The following PRKCB variants were observed in gnomAD, a reference collection of about 807,000 sequenced individuals.
PRKCB encodes the protein protein kinase C beta.
PRKCB carries 13 observed loss-of-function variants against 81.5 expected under a neutral mutation model. The ratio of observed to expected loss-of-function variants is 0.16; its 90% CI spans 0.10 to 0.25. The LOEUF is 0.25. Among genes scored for constraint, PRKCB ranks in the 10% least tolerant of loss-of-function variants. The pLI is 1.00. For synonymous variants in PRKCB, 335 were observed against 321.4 expected, an observed-to-expected ratio of 1.04 and a Z score of -0.45; for missense variants, 509 against 875.7, an observed-to-expected ratio of 0.58 and a Z score of 5.29.
intron 10 of PRKCB, among the ~76,000 whole-genome samples, chr16:24,163,304 A>G (rs923103670): frequency 1.3e-5 from 2 of 152,204 alleles, no homozygotes; most frequent in African/African-American, 4.8e-5. Context: ...TGGTACAAAC[A>G]TGGCATCATT....
Position 23,999,529 on chromosome 16 carries a change from C to T in PRKCB, c.288+10939C>T, listed in dbSNP as rs149345870. On this transcript the variant is annotated intron_variant, in intron 3 of 16. Coordinates refer to ENST00000643927, the MANE Select transcript of PRKCB (RefSeq NM_002738.7). ...ATAGACAACATTTATGGGCACTCGC[C>T]ATTGGAGGGCCACAAAGTGTGGCAG... 1.1e-4 allele frequency among the ~76,000 whole-genome samples: 17 copies of T among 152,298 alleles called. No individual in the cohort carries two copies. The East Asian group carries it at 1.2e-3, about 10-fold the overall frequency.
intron 1 of PRKCB, among the ~76,000 whole-genome samples, chr16:23,836,730 C>T (rs1038300418): frequency 4.6e-5 from 7 of 150,590 alleles, no homozygotes; most frequent in Admixed American, 1.3e-4. Flanking sequence ...CCGCCTGCTT[C>T]CGGGCGCGAG....
intron 2 of PRKCB, among the ~76,000 whole-genome samples, chr16:23,892,171 T>C (rs1288555024): frequency 6.6e-6 from 1 of 152,216 alleles, no homozygotes; most frequent in Non-Finnish European, 1.5e-5. Context: ...AGAGAAATCT[T>C]TGGTGAAGGC....
At chr16:24,012,420 A>G (rs991216110) in intron 3 of PRKCB, among the ~76,000 whole-genome samples, 4 of 152,196 alleles carry the variant, frequency 2.6e-5, no homozygotes, top group Admixed American at 6.5e-5. Flanking sequence ...CTTAGCCACC[A>G]TGTCCCATCC....
At chr16:24,072,328 T>C (rs28419645) in intron 5 of PRKCB, among the ~76,000 whole-genome samples, 3,045 of 148,124 alleles carry the variant, frequency 0.021, 73 homozygotes, top group African/African-American at 0.058. Context: ...AGTGCAGTGG[T>C]ACGATCATAG....
intron 5 of PRKCB, among the ~76,000 whole-genome samples, chr16:24,055,691 T>C (rs571548716): frequency 1.3e-4 from 20 of 152,146 alleles, no homozygotes; most frequent in Non-Finnish European, 2.8e-4. Flanking sequence ...TCTGAAATCA[T>C]GGAATGGTTG....
At chr16:23,949,898 C>T (rs1375811511) in intron 2 of PRKCB, among the ~76,000 whole-genome samples, 1 of 152,120 alleles carries the variant, frequency 6.6e-6, no homozygotes, top group Non-Finnish European at 1.5e-5. Context: ...TCTAGGAGTG[C>T]CAGAGCCACT....
intron 2 of PRKCB, among the ~76,000 whole-genome samples, chr16:23,874,186 A>G (rs952039151): frequency 1.3e-5 from 2 of 152,244 alleles, no homozygotes; most frequent in African/African-American, 4.8e-5. Context: ...CAGAAGAGAT[A>G]GACATTTGAA....
rs1321449728 is a variant in PRKCB at position 24,163,117 on chromosome 16, C to T, written c.1239+8260C>T. ...AGAATCTGGTTGGTTCAGCTTGGGTCAGGTGTTTATTCCTGGCCCAATCAG... is the reference window on the plus strand; with the variant it reads ...AGAATCTGGTTGGTTCAGCTTGGGTTAGGTGTTTATTCCTGGCCCAATCAG... On this transcript the variant is annotated intron_variant, in intron 10 of 16. Transcript: ENST00000643927. Among the ~76,000 whole-genome samples, 34 of 152,258 alleles carry T rather than the reference C, an allele frequency of 2.2e-4. 1 individual carries two copies. Among genetic ancestry groups the T allele is most frequent in the Non-Finnish European group, 1.5e-5 (1 of 68,026 alleles).
intron 7 of PRKCB, among the ~76,000 whole-genome samples, chr16:24,096,674 T>A (rs1431825844): frequency 0.055 from 894 of 16,128 alleles, 4 homozygotes; most frequent in African/African-American, 0.12. Context: ...AAAATATATA[T>A]ATATATATAT....
intron 2 of PRKCB, among the ~76,000 whole-genome samples, chr16:23,967,868 G>A (rs939824712): frequency 3.0e-4 from 45 of 152,210 alleles, no homozygotes; most frequent in African/African-American, 9.9e-4. Context: ...GGCCAGGTTG[G>A]CCTTGAACTC....
intron 2 of PRKCB, among the ~76,000 whole-genome samples, chr16:23,868,368 T>G (rs1463826114): frequency 1.3e-5 from 2 of 152,216 alleles, no homozygotes; most frequent in Non-Finnish European, 2.9e-5. Flanking sequence ...AATGTCAATT[T>G]GAAATACTTG....
chr16:23,938,666 G>A (rs977190078), intron 2 of PRKCB, among the ~76,000 whole-genome samples: 2 of 152,058 alleles, frequency 1.3e-5, no homozygotes, highest in Non-Finnish European at 1.5e-5. Flanking sequence ...TCTTTTATTG[G>A]TTTTACTTAA....
intron 7 of PRKCB, among the ~76,000 whole-genome samples, chr16:24,109,524 A>G: frequency 1.9e-5 from 2 of 107,642 alleles, no homozygotes; most frequent in Non-Finnish European, 3.6e-5. Context: ...CCGGGCAGAG[A>G]CGCTCCTCAC....
At chr16:23,973,246 A>G (rs1810047056) in intron 2 of PRKCB, among the ~76,000 whole-genome samples, 1 of 152,052 alleles carries the variant, frequency 6.6e-6, no homozygotes, top group African/African-American at 2.4e-5. Context: ...CAGTGGCACA[A>G]TCTTGGCTCA....
chr16:23,993,527 A>G (rs1184063416), intron 3 of PRKCB, among the ~76,000 whole-genome samples: 4 of 152,232 alleles, frequency 2.6e-5, no homozygotes, highest in African/African-American at 4.8e-5. Flanking sequence ...AAGGTCAGAC[A>G]TACCTTTAAG....
chr16:24,142,340 G>A (rs750176459), intron 9 of PRKCB, among the ~76,000 whole-genome samples: 5 of 152,202 alleles, frequency 3.3e-5, no homozygotes, highest in Non-Finnish European at 7.3e-5. Flanking sequence ...TGGTAAAGAC[G>A]TGGATGCAGA....
chr16:23,922,774 C>T (rs1290894749), intron 2 of PRKCB, among the ~76,000 whole-genome samples: 1 of 152,206 alleles, frequency 6.6e-6, no homozygotes, highest in Admixed American at 6.5e-5. Context: ...TAACACAATG[C>T]TGCACCTTAC....
At chr16:24,066,445 T>C (rs1966035504) in intron 5 of PRKCB, among the ~76,000 whole-genome samples, 1 of 152,190 alleles carries the variant, frequency 6.6e-6, no homozygotes, top group African/African-American at 2.4e-5. Flanking sequence ...AAATAAACTT[T>C]TTATTTTAGA....
Sources: allele counts gnomAD v4.1 joint callset (sites outside exome capture counted in the v4.1 genomes callset), GRCh38; gene constraint gnomAD v4.1.1; transcripts MANE v1.5; gene names NCBI Gene and HGNC (gene_info 2026-07-23, HGNC 2026-07-21).